Variants in PRKDC observed in about 807,000 individuals in gnomAD.
The protein encoded by PRKDC is protein kinase, DNA-activated, catalytic subunit, also known as DNA-dependent protein kinase catalytic subunit.
A neutral mutation model predicts 486.9 loss-of-function variants in PRKDC; 82 were observed. The ratio of observed to expected loss-of-function variants is 0.17; its 90% CI spans 0.14 to 0.20. The LOEUF is 0.20. PRKDC is among the 10% of genes least tolerant of loss of function. PRKDC has a pLI of 1.00. For missense variants in PRKDC, 4,504 were observed against 5,038.2 expected (o/e 0.89, Z 3.21); for synonymous variants, 1,895 against 1,837.0 (o/e 1.03, Z -0.81).
At chr8:47,851,025 G>C (rs928456753) in intron 52 of PRKDC, among the ~76,000 whole-genome samples, 3 of 152,152 alleles carry the variant, frequency 2.0e-5, no homozygotes, top group Non-Finnish European at 4.4e-5. Context: ...GGCCAGGCTG[G>C]TCTTGAACTC....
At chr8:47,823,381 C>T (rs1252837754) in intron 64 of PRKDC, among the ~76,000 whole-genome samples, 1 of 151,732 alleles carries the variant, frequency 6.6e-6, no homozygotes, top group Non-Finnish European at 1.5e-5. Context: ...CTGCCTTTCA[C>T]CATGTGAAAT....
intron 16 of PRKDC, among the ~76,000 whole-genome samples, chr8:47,931,158 A>C (rs2154503576): frequency 6.6e-6 from 1 of 152,372 alleles, no homozygotes; most frequent in African/African-American, 2.4e-5. Context: ...AGTAAGAAAG[A>C]TAAATGAAAA....
chr8:47,957,292 T>C (rs911708196), intron 2 of PRKDC, 29 bp from the exon 3 acceptor site: 36 of 1,581,348 alleles, frequency 2.3e-5, no homozygotes, highest in Non-Finnish European at 3.1e-5. Context: ...ATATTGTAAA[T>C]ATGGGTAAGA....
intron 25 of PRKDC, among the ~76,000 whole-genome samples, chr8:47,910,000 T>C (rs1357485458): frequency 1.3e-5 from 2 of 152,212 alleles, no homozygotes; most frequent in Non-Finnish European, 2.9e-5. Context: ...CTTTGTGACC[T>C]ACTCCCAGTT....
intron 74 of PRKDC, among the ~76,000 whole-genome samples, chr8:47,791,529 C>T (rs906404611): frequency 6.6e-6 from 1 of 151,652 alleles, no homozygotes; most frequent in East Asian, 1.9e-4. Flanking sequence ...AACAACTCAA[C>T]AGGAAAAAAA....
At chr8:47,818,837 T>C (rs987729053) in intron 67 of PRKDC, among the ~76,000 whole-genome samples, 1 of 152,300 alleles carries the variant, frequency 6.6e-6, no homozygotes, top group African/African-American at 2.4e-5. Flanking sequence ...AAACAAAACA[T>C]TTTACCTTTG....
intron 74 of PRKDC, among the ~76,000 whole-genome samples, chr8:47,792,580 TACATTTAAAA>T (rs1186977046): frequency 2.1e-4 from 32 of 152,104 alleles, no homozygotes; most frequent in African/African-American, 5.8e-4. Flanking sequence ...ATTTTTATTG[TACATTTAAAA>T]ATAACTAAAA....
rs749511664 is a variant in PRKDC, at chr8:47,912,398, C to A, written c.2934+12G>T. The A allele has an allele frequency of 2.0e-6, 3 of 1,509,598 alleles. No homozygotes were observed. In the East Asian group the frequency reaches 7.3e-5, roughly 37 times the overall value. The allele number at this position is 1,509,598 out of a possible 1,614,324, so 93.5% of individuals were successfully genotyped here. On this transcript the variant is annotated intron_variant, in intron 25 of 85. Transcript: ENST00000314191. ...AGAAATTTTACAACTATTTCAGATT[C>A]AAAGCCCTTACCTGATCAACATCAC...
intron 21 of PRKDC, among the ~76,000 whole-genome samples, chr8:47,921,704 A>T (rs1164967576): frequency 6.6e-6 from 1 of 152,188 alleles, no homozygotes; most frequent in Non-Finnish European, 1.5e-5. Flanking sequence ...TACGTGAAAC[A>T]TGAGTTTAGT....
intron 59 of PRKDC, among the ~76,000 whole-genome samples, chr8:47,833,710 C>A (rs1267735441): frequency 6.6e-6 from 1 of 152,166 alleles, no homozygotes; most frequent in African/African-American, 2.4e-5. Flanking sequence ...CCCGAAGCGT[C>A]CCTTCACCTG....
rs925534980 is a variant in PRKDC at position 47,779,912 on chromosome 8, CTT to C, written c.11490-821_11490-820del. On this transcript the variant is annotated intron_variant, in intron 80 of 85. Coordinates refer to ENST00000314191, the MANE Select transcript of PRKDC (RefSeq NM_006904.7). ...CTCTTTTTCTTTTGTTTTGTTTTGTCTTTTTTTTTTTTTTTTTTTTGAGACAG... is the reference window on the plus strand; with the variant it reads ...CTCTTTTTCTTTTGTTTTGTTTTGTCTTTTTTTTTTTTTTTTTTGAGACAG... 4.2e-3 allele frequency among the ~76,000 whole-genome samples: 452 copies of C among 107,032 alleles called. 1 individual carries two copies. The highest frequency in any genetic ancestry group is 0.015 in the African/African-American group (443 of 28,918). The allele number at this position is 107,032 out of a possible 152,430, so 70.2% of individuals were successfully genotyped here.
In PRKDC at chr8:47,827,118, TCACACACACACACACACACACA is replaced by T. The variant is rs61385951; in HGVS notation, c.8578-279_8578-258del. ...AAAAGCACCTATCAAAATATGAAGA[TCACACACACACACACACACACA>T]CACACACACACACACACACACACAC... On this transcript the variant is annotated intron_variant, in intron 62 of 85. Transcript: ENST00000314191. Among the ~76,000 whole-genome samples, 21 of 128,240 alleles carry T rather than the reference TCACACACACACACACACACACA, an allele frequency of 1.6e-4. No homozygotes were observed. The South Asian group carries it at 1.7e-3, about 11-fold the overall frequency. 84.1% of individuals were successfully genotyped at this position (128,240 alleles called of 152,430 possible). A position where few individuals can be genotyped will look rare whatever the true frequency, so the allele number is the denominator to read the frequency against.
chr8:47,927,468 C>T (rs112281362), intron 20 of PRKDC, 115 bp from the exon 21 acceptor site: 15 of 1,231,426 alleles, frequency 1.2e-5, no homozygotes, highest in African/African-American at 1.1e-4. Flanking sequence ...ACTGGATGCC[C>T]GACACCGCTG....
At chr8:47,780,888 A>T (rs1350938916) in intron 80 of PRKDC, among the ~76,000 whole-genome samples, 1 of 152,114 alleles carries the variant, frequency 6.6e-6, no homozygotes, top group Non-Finnish European at 1.5e-5. Context: ...CAGTGAGCCG[A>T]GATCACGCCA....
chr8:47,834,058 G>T, intron 59 of PRKDC, 138 bp downstream of exon 59: 1 of 1,105,334 alleles, frequency 9.0e-7, no homozygotes, highest in Non-Finnish European at 1.3e-6. Flanking sequence ...GAGTGCCTAG[G>T]CAACATTAAC....
intron 37 of PRKDC, among the ~76,000 whole-genome samples, 157 bp downstream of exon 37, chr8:47,881,755 A>G (rs1346910176): frequency 6.6e-6 from 1 of 152,284 alleles, no homozygotes; most frequent in East Asian, 1.9e-4. Flanking sequence ...AATAATGGAA[A>G]AAGTTTAAAA....
At chr8:47,775,948 C>T (rs2086601270) in intron 85 of PRKDC, among the ~76,000 whole-genome samples, 2 of 151,972 alleles carry the variant, frequency 1.3e-5, no homozygotes, top group African/African-American at 4.8e-5. Flanking sequence ...CTCAGCCTCC[C>T]TAGCAGCTGG....
chr8:47,893,480 T>A, intron 30 of PRKDC, 93 bp from the exon 31 acceptor site: 2 of 1,288,450 alleles, frequency 1.6e-6, no homozygotes, highest in Non-Finnish European at 2.0e-6. Context: ...TATGGGACAA[T>A]CTTTTTTCAT....
chr8:47,863,619 C>T, intron 41 of PRKDC, 42 bp from the exon 42 acceptor site: 1 of 1,453,462 alleles, frequency 6.9e-7, no homozygotes, highest in Non-Finnish European at 9.6e-7. Context: ...TCTTATTAAA[C>T]ATGAAATACA....
Sources: gnomAD v4.1 joint callset for allele counts (sites outside exome capture counted in the v4.1 genomes callset) on GRCh38, gnomAD v4.1.1 for gene constraint, MANE v1.5 for transcripts, NCBI Gene and HGNC (gene_info 2026-07-23, HGNC 2026-07-21) for gene names.